The following DZIP1L variants were observed in gnomAD, a reference collection of about 807,000 sequenced individuals.
DZIP1L encodes DAZ interacting zinc finger protein 1 like.
DZIP1L carries 90 observed loss-of-function variants against 88.7 expected under a neutral mutation model. The observed-to-expected ratio is 1.02, with a 90% CI of 0.86 to 1.21. The LOEUF is 1.21. DZIP1L is among the 50% of genes most tolerant of loss of function. The pLI is 0.00. For synonymous variants in DZIP1L, 363 were observed against 372.1 expected (o/e 0.98, Z 0.28); for missense variants, 932 against 955.8 (o/e 0.98, Z 0.33).
chr3:138,102,008 T>C lies in DZIP1L; in HGVS notation c.501+1463A>G, dbSNP rs1393328952. ...GGTTCATCTCAGAGATCTCAGTCTT[T>C]GTATGCTGCAGGTCATCTCCATGCT... On this transcript the variant is annotated intron_variant, in intron 2 of 15. Coordinates refer to ENST00000327532, the MANE Select transcript of DZIP1L (RefSeq NM_173543.3). 1.0e-5 allele frequency: 15 copies of C among 1,504,876 alleles called. No individual in the cohort carries two copies. In the East Asian group the frequency reaches 3.4e-4, roughly 34 times the overall value. The allele number at this position is 1,504,876 out of a possible 1,614,324, so 93.2% of individuals were successfully genotyped here.
chr3:138,071,660 G>T lies in DZIP1L; in HGVS notation c.1598C>A (p.Pro533Gln). 2.5e-6 allele frequency: 4 copies of T among 1,613,594 alleles called. No individual in the cohort carries two copies. The highest frequency in any genetic ancestry group is 3.4e-6 in the Non-Finnish European group (4 of 1,179,636). ...CAGTGTACCTGAAGGCTGCCCGTCTGGCTGGGACACCACAGCGCCATTCTC... is the reference window on the plus strand; with the variant it reads ...CAGTGTACCTGAAGGCTGCCCGTCTTGCTGGGACACCACAGCGCCATTCTC... ...RQENGAVVSQ[P>Q]DGQPSVKSQQ... Residue 533 changes from proline to glutamine, a missense_variant, in exon 12 of 16, where the codon CCA (proline) becomes CAA (glutamine). Pro to Gln is a moderately conservative substitution (Grantham distance 76). Transcript: ENST00000327532.
Position 138,088,923 on chromosome 3 carries a change from C to T in DZIP1L, c.871-416G>A, listed in dbSNP as rs114522448. The stretch of plus-strand genomic sequence containing the variant: ...TCCTGCCTCTCTCCCTACAAAACAT[C>T]CTGGCTGTCTCCAGAAAGGGCTTTG... On this transcript the variant is annotated intron_variant, in intron 5 of 15. Coordinates refer to ENST00000327532, the MANE Select transcript of DZIP1L (RefSeq NM_173543.3). 554 of 986,594 alleles carry T rather than the reference C, an allele frequency of 5.6e-4. 1 individual carries two copies. In the South Asian group the frequency reaches 0.013, roughly 23 times the overall value. The allele number at this position is 986,594 out of a possible 1,614,324, so 61.1% of individuals were successfully genotyped here. A position where few individuals can be genotyped will look rare whatever the true frequency, so the allele number is the denominator to read the frequency against.
Position 138,062,562 on chromosome 3 carries a change from G to A in DZIP1L, c.*254C>T, listed in dbSNP as rs955629984. The A allele has an allele frequency of 1.5e-5, 6 of 413,778 alleles. No individual in the cohort carries two copies. The highest frequency in any genetic ancestry group is 1.7e-5 in the Non-Finnish European group (4 of 228,806). 25.6% of individuals were successfully genotyped at this position (413,778 alleles called of 1,614,324 possible). A position where few individuals can be genotyped will look rare whatever the true frequency, so the allele number is the denominator to read the frequency against. On this transcript the variant is annotated 3_prime_UTR_variant, in exon 16 of 16. Coordinates refer to ENST00000327532, the MANE Select transcript of DZIP1L (RefSeq NM_173543.3). ...GGAGGTAGAGGAAGAAAACTACCTG[G>A]AGGTTCTATTTTAACCCTTTCTCAA...
In DZIP1L at chr3:138,071,804, C is replaced by G; in HGVS notation, c.1454G>C (p.Arg485Thr). The change falls in exon 12 of 16, where the codon AGA (arginine) becomes ACA (threonine). Residue 485 changes from arginine (R) to threonine (T), a missense_variant. Arg to Thr is a moderately conservative substitution (Grantham distance 71). Transcript: ENST00000327532. ...DAKGISIQTL[R>T]HLESLLRVQR... ...GACTCTCAGCAGGGATTCCAGGTGT[C>G]TGAGAGTCTGAATCGAGATTCCCTT... The G allele has an allele frequency of 6.2e-7, 1 of 1,613,998 alleles. No homozygotes were observed. The highest frequency in any genetic ancestry group is 1.3e-5 in the African/African-American group (1 of 75,054).
chr3:138,096,290 A>G (rs992184246), intron 3 of DZIP1L, among the ~76,000 whole-genome samples: 2 of 152,190 alleles, frequency 1.3e-5, no homozygotes, highest in African/African-American at 4.8e-5. Context: ...TAAGGAAATA[A>G]GAGATATGCT....
chr3:138,101,880 G>A, intron 2 of DZIP1L: 1 of 1,410,274 alleles, frequency 7.1e-7, no homozygotes, highest in Non-Finnish European at 1.0e-6. Context: ...CGGACAGCTT[G>A]GCGTTGGCAT....
At chr3:138,103,389 A>G (rs2042382588) in intron 2 of DZIP1L, 82 bp downstream of exon 2, 1 of 1,459,744 alleles carries the variant, frequency 6.9e-7, no homozygotes, top group African/African-American at 1.4e-5. Context: ...AGGTCCCAGC[A>G]GTGCTGCCCA....
At chr3:138,084,942 T>C (rs1943852907) in intron 7 of DZIP1L, among the ~76,000 whole-genome samples, 3 of 152,358 alleles carry the variant, frequency 2.0e-5, no homozygotes, top group African/African-American at 4.8e-5. Flanking sequence ...GTTGCAGATA[T>C]GCGGCATTAT....
Position 138,068,226 on chromosome 3 carries a change from T to C in DZIP1L, c.1757A>G (p.Gln586Arg). 1.3e-5 allele frequency: 21 copies of C among 1,593,916 alleles called. No individual in the cohort carries two copies. Among genetic ancestry groups the C allele is most frequent in the Non-Finnish European group, 1.8e-5 (21 of 1,169,592 alleles). ...GGGGCGTGGAGCGGGGGCGGACACC[T>C]GGGTCAGGCTGGAGCCATGGCTGCC... ...SHGSHGSSLT[Q>R]VSAPAPRPGL... Residue 586 changes from glutamine to arginine, a missense_variant, in exon 13 of 16, where the codon CAG becomes CGG. Transcript: ENST00000327532.
At chr3:138,101,300 C>T (rs542608936) in intron 2 of DZIP1L, among the ~76,000 whole-genome samples, 44 of 150,420 alleles carry the variant, frequency 2.9e-4, no homozygotes, top group African/African-American at 1.1e-3. Context: ...TGTTTTGTAG[C>T]TGGAGGCATG....
chr3:138,110,662 C>T (rs2042603417), intron 1 of DZIP1L, among the ~76,000 whole-genome samples: 1 of 152,148 alleles, frequency 6.6e-6, no homozygotes, highest in Non-Finnish European at 1.5e-5. Flanking sequence ...TGCCAGGCAT[C>T]ATGACTGGCA....
Position 138,087,034 on chromosome 3 carries a change from T to G in DZIP1L, c.1000-11A>C. Reference sequence around the variant, plus strand: ...TTTCCACTCCGTTTTCTGAAAAAGATTAAAAGCTTATCAAATGGGCCCTTG... The same window carrying G: ...TTTCCACTCCGTTTTCTGAAAAAGAGTAAAAGCTTATCAAATGGGCCCTTG... On this transcript the variant is annotated splice_polypyrimidine_tract_variant and intron_variant, in intron 6 of 15. Transcript: ENST00000327532. 1 of 1,613,866 alleles carries G rather than the reference T, an allele frequency of 6.2e-7. No individual in the cohort carries two copies. The highest frequency in any genetic ancestry group is 8.5e-7 in the Non-Finnish European group (1 of 1,179,830).
chr3:138,086,926 A>G, intron 7 of DZIP1L, 35 bp downstream of exon 7: 1 of 1,610,870 alleles, frequency 6.2e-7, no homozygotes, highest in Non-Finnish European at 8.5e-7. Context: ...GGTCACAGGA[A>G]ACCAAGCTCC....
At position 138,094,968 on chromosome 3, in the gene DZIP1L, T is replaced by G; in HGVS notation, c.602A>C (p.Gln201Pro). The G allele has an allele frequency of 1.2e-6, 2 of 1,614,256 alleles. No individual in the cohort carries two copies. The highest frequency in any genetic ancestry group is 1.7e-6 in the Non-Finnish European group (2 of 1,180,036). ...GVAEGGKQKK[Q>P]EQPVEEVLEE... is the part of the protein sequence containing the mutation. ...TAACACCTCTTCCACTGGCTGTTCCTGTTTCTTCTGTTTTCCTGTGGGGTC... is the reference window on the plus strand; with the variant it reads ...TAACACCTCTTCCACTGGCTGTTCCGGTTTCTTCTGTTTTCCTGTGGGGTC... The change falls in exon 4 of 16, where the codon CAG becomes CCG. Residue 201 changes from glutamine to proline, a missense_variant. Coordinates refer to ENST00000327532, the MANE Select transcript of DZIP1L (RefSeq NM_173543.3).
Position 138,089,595 on chromosome 3 carries a change from T to C in DZIP1L, c.871-1088A>G, listed in dbSNP as rs150594058. On this transcript the variant is annotated intron_variant, in intron 5 of 15. Coordinates refer to ENST00000327532, the MANE Select transcript of DZIP1L (RefSeq NM_173543.3). ...GCCTTCCTAACATCAGGAAGAATCA[T>C]TTTTTGCATTTTGAAAATGGACATC... 4.4e-3 allele frequency among the ~76,000 whole-genome samples: 666 copies of C among 152,304 alleles called. 4 individuals carry two copies. Among genetic ancestry groups the C allele is most frequent in the African/African-American group, 0.015 (628 of 41,562 alleles).
chr3:138,106,739 G>A (rs1345871573), intron 1 of DZIP1L, among the ~76,000 whole-genome samples: 2 of 152,138 alleles, frequency 1.3e-5, no homozygotes, highest in Non-Finnish European at 2.9e-5. Context: ...GGCTGAGGCA[G>A]GAGAATGGTG....
chr3:138,071,610 C>T, intron 12 of DZIP1L, 33 bp downstream of exon 12: 1 of 1,592,796 alleles, frequency 6.3e-7, no homozygotes, highest in Non-Finnish European at 8.6e-7. Context: ...CCTTACAGGT[C>T]ACAGCCCTGA....
intron 1 of DZIP1L, among the ~76,000 whole-genome samples, chr3:138,108,851 T>C (rs930896332): frequency 6.6e-6 from 1 of 152,218 alleles, no homozygotes; most frequent in African/African-American, 2.4e-5. Context: ...TCCATCTTAT[T>C]GTCCAAGGTA....
chr3:138,079,081 A>G (rs1415444234), intron 10 of DZIP1L, among the ~76,000 whole-genome samples: 1 of 152,168 alleles, frequency 6.6e-6, no homozygotes, highest in Non-Finnish European at 1.5e-5. Context: ...ACAACTTTGC[A>G]TTTCTAAAAA....
Sources: gnomAD v4.1 joint callset for allele counts (sites outside exome capture counted in the v4.1 genomes callset) on GRCh38, gnomAD v4.1.1 for gene constraint, MANE v1.5 for transcripts, NCBI Gene and HGNC (gene_info 2026-07-23, HGNC 2026-07-21) for gene names.